The following SCARA5 variants were observed in gnomAD, a reference collection of about 807,000 sequenced individuals.
SCARA5 encodes the protein scavenger receptor class A member 5.
In SCARA5, 45 loss-of-function variants were observed where a neutral mutation model predicts 46.3. The ratio of observed to expected loss-of-function variants is 0.97; its 90% CI spans 0.76 to 1.24. The LOEUF (loss-of-function observed/expected upper bound fraction) is 1.24, where lower values mean the gene tolerates loss of function less well. SCARA5 is among the 50% of genes most tolerant of loss of function. SCARA5 has a pLI of 0.00. For synonymous variants in SCARA5, 333 were observed against 306.5 expected (o/e 1.09, Z -0.90); for missense variants, 680 against 689.0 (o/e 0.99, Z 0.15).
chr8:27,889,015 C>A (rs557428364), intron 7 of SCARA5, among the ~76,000 whole-genome samples: 1 of 152,204 alleles, frequency 6.6e-6, no homozygotes, highest in African/African-American at 2.4e-5. Context: ...GACCACAGCA[C>A]CTGCCTCCCC....
chr8:27,932,460 G>A (rs1450325856), intron 3 of SCARA5, among the ~76,000 whole-genome samples: 1 of 152,200 alleles, frequency 6.6e-6, no homozygotes, highest in African/African-American at 2.4e-5. Flanking sequence ...ACCACAGACC[G>A]GGTGGCTTAA....
intron 7 of SCARA5, among the ~76,000 whole-genome samples, chr8:27,902,934 G>A (rs1045496355): frequency 6.6e-6 from 1 of 152,178 alleles, no homozygotes; most frequent in Admixed American, 6.5e-5. Context: ...GGTGAGTGTG[G>A]GGGGTCCAGG....
rs538596115 is a variant in SCARA5, at chr8:27,911,082, C to G, written c.917-1339G>C. On this transcript the variant is annotated intron_variant, in intron 4 of 8. Transcript: ENST00000354914. ...CAGCCATTGTCGCACCTGCTGTTCC[C>G]AAGCTAGTGAGCCCATGAGCCCTCC... Among the ~76,000 whole-genome samples the G allele has an allele frequency of 7.9e-5, 12 of 152,320 alleles. No homozygotes were observed. The East Asian group carries it at 2.1e-3, about 27-fold the overall frequency.
Position 27,872,037 on chromosome 8 carries a change from C to T in SCARA5, c.1385G>A (p.Cys462Tyr), listed in dbSNP as rs1047098871. Residue 462 changes from cysteine to tyrosine, a missense_variant, in exon 9 of 9, where the codon TGC becomes TAC. By Grantham distance (194) the Cys-to-Tyr change is radical. Coordinates refer to ENST00000354914, the MANE Select transcript of SCARA5 (RefSeq NM_173833.6). ...TGRIWMDDVA[C>Y]KGTEETIFRC... ...GAAGATGGTTTCCTCTGTGCCCTTG[C>T]AGGCAACGTCATCCATCCAGATCCT... 9 of 1,614,138 alleles carry T rather than the reference C, an allele frequency of 5.6e-6. No homozygotes were observed. Among genetic ancestry groups the T allele is most frequent in the Non-Finnish European group, 6.8e-6 (8 of 1,180,054 alleles).
intron 4 of SCARA5, among the ~76,000 whole-genome samples, chr8:27,917,562 T>C (rs1807482645): frequency 1.3e-5 from 2 of 152,196 alleles, no homozygotes; most frequent in Non-Finnish European, 2.9e-5. Flanking sequence ...CCAGGGTTTC[T>C]GGACCAGGCA....
chr8:27,911,099 G>A (rs1163864053), intron 4 of SCARA5, among the ~76,000 whole-genome samples: 1 of 152,138 alleles, frequency 6.6e-6, no homozygotes, highest in Non-Finnish European at 1.5e-5. Flanking sequence ...GTGAGCCCAT[G>A]AGCCCTCCCT....
chr8:27,884,948 T>G, intron 7 of SCARA5, among the ~76,000 whole-genome samples: 1 of 147,792 alleles, frequency 6.8e-6, no homozygotes, highest in Admixed American at 6.7e-5. Context: ...AACAAAGGAG[T>G]GGAGAGTGAG....
chr8:27,975,702 T>C (rs1228906205), intron 2 of SCARA5, among the ~76,000 whole-genome samples: 1 of 152,002 alleles, frequency 6.6e-6, no homozygotes, highest in Admixed American at 6.6e-5. Flanking sequence ...TTTGGTTTTT[T>C]TTTCCTCTCT....
intron 4 of SCARA5, among the ~76,000 whole-genome samples, chr8:27,918,733 G>A (rs1259428359): frequency 1.4e-5 from 2 of 143,918 alleles, no homozygotes; most frequent in Non-Finnish European, 3.0e-5. Context: ...AGGATAAAGA[G>A]GAGCAGGGAA....
Position 27,879,571 on chromosome 8 carries a change from T to A in SCARA5, c.1349A>T (p.Gln450Leu). 6.2e-7 allele frequency: 1 copy of A among 1,606,370 alleles called. No homozygotes were observed. Among genetic ancestry groups the A allele is most frequent in the Non-Finnish European group, 8.5e-7 (1 of 1,179,900 alleles). ...TTTTTGCCCTCAGAGCGCCTTACCT[T>A]GCCCGAATCGAGCTGTGCGGTACAC... ...EEVYRTARFGQGTGRIWMDDV... is the reference protein window; with the variant it reads ...EEVYRTARFGLGTGRIWMDDV... The change falls in exon 8 of 9, where the codon CAA (glutamine) becomes CTA (leucine). Residue 450 changes from glutamine (Q) to leucine (L), a missense_variant and splice_region_variant. Gln to Leu is a moderately radical substitution (Grantham distance 113). Coordinates refer to ENST00000354914, the MANE Select transcript of SCARA5 (RefSeq NM_173833.6).
chr8:27,907,250 G>A lies in SCARA5; in HGVS notation c.998-4C>T, dbSNP rs202127624. On this transcript the variant is annotated splice_polypyrimidine_tract_variant and splice_region_variant and intron_variant, in intron 5 of 8. Transcript: ENST00000354914. ...GTACCTCTCTCCCCGGGCAGACCTG[G>A]GGAGAAAACAGACAAATGGCAGAGC... 299 of 1,608,080 alleles carry A rather than the reference G, an allele frequency of 1.9e-4. No homozygotes were observed. In the African/African-American group the frequency reaches 3.5e-3, roughly 19 times the overall value.
Position 27,879,642 on chromosome 8 carries a change from G to A in SCARA5, c.1278C>T (p.Asp426=), listed in dbSNP as rs373726999. 5.0e-6 allele frequency: 8 copies of A among 1,612,382 alleles called. No individual in the cohort carries two copies. The African/African-American group carries it at 6.7e-5, about 13-fold the overall frequency. ...CGAGCATGCGGCACACCACGTCTCC[G>A]TCCTTCTTGTCCCAGCCGTCGTCAC... ...TVCDDGWDKK[D]GDVVCRMLGF... The change falls in exon 8 of 9, where the codon GAC becomes GAT. Residue 426 remains aspartate (D), a synonymous_variant. Transcript: ENST00000354914.
intron 3 of SCARA5, among the ~76,000 whole-genome samples, chr8:27,950,164 G>A (rs577679890): frequency 1.3e-5 from 2 of 152,110 alleles, no homozygotes; most frequent in African/African-American, 4.8e-5. Flanking sequence ...AGGGGAAGGG[G>A]TCTAGCACAT....
chr8:27,944,169 A>G lies in SCARA5; in HGVS notation c.242-21924T>C, dbSNP rs747385254. On this transcript the variant is annotated intron_variant, in intron 3 of 8. Transcript: ENST00000354914. ...GCAAGGAACCCATCTAGAAAAGACT[A>G]TGGAGCCATGAAAACCACATGTATA... Among the ~76,000 whole-genome samples the G allele has an allele frequency of 5.9e-5, 9 of 152,244 alleles. No individual in the cohort carries two copies. The East Asian group carries it at 1.7e-3, about 29-fold the overall frequency.
At chr8:27,958,510 G>T (rs1808240783) in intron 3 of SCARA5, among the ~76,000 whole-genome samples, 1 of 152,244 alleles carries the variant, frequency 6.6e-6, no homozygotes, top group African/African-American at 2.4e-5. Flanking sequence ...GCGTGCACGG[G>T]CTGGCAAGCC....
chr8:27,874,999 G>A (rs1806699625), intron 8 of SCARA5, among the ~76,000 whole-genome samples: 4 of 152,212 alleles, frequency 2.6e-5, no homozygotes, highest in African/African-American at 7.2e-5. Context: ...CATGCAAACA[G>A]AAAATCTGAT....
chr8:27,979,725 A>AT (rs961847220), intron 2 of SCARA5, among the ~76,000 whole-genome samples: 6 of 151,700 alleles, frequency 4.0e-5, no homozygotes, highest in African/African-American at 1.2e-4. Flanking sequence ...CGCCTGGCTA[A>AT]TTTTTTTTGT....
intron 7 of SCARA5, among the ~76,000 whole-genome samples, chr8:27,895,176 T>A (rs1320376): frequency 0.96 from 146,249 of 152,318 alleles, 70,510 homozygotes; most frequent in East Asian, 1. Context: ...GGGCTGGGAA[T>A]ATAGGCTCTG....
intron 3 of SCARA5, among the ~76,000 whole-genome samples, chr8:27,960,871 A>G (rs1227805386): frequency 6.6e-6 from 1 of 152,220 alleles, no homozygotes; most frequent in Non-Finnish European, 1.5e-5. Flanking sequence ...AAGGCATTAC[A>G]AATTTAAGTA....
Sources: allele counts gnomAD v4.1 joint callset (sites outside exome capture counted in the v4.1 genomes callset), GRCh38; gene constraint gnomAD v4.1.1; transcripts MANE v1.5; gene names NCBI Gene and HGNC (gene_info 2026-07-23, HGNC 2026-07-21).